Variants in ZC3H12B observed in about 807,000 individuals in gnomAD.
The protein encoded by ZC3H12B is probable ribonuclease ZC3H12B.
ZC3H12B carries 7 observed loss-of-function variants against 43.9 expected under a neutral mutation model. The ratio of observed to expected loss-of-function variants is 0.16; its 90% CI spans 0.09 to 0.30. The LOEUF is 0.30. Ranked by LOEUF, ZC3H12B falls within the 10% of genes least tolerant of loss-of-function variation. ZC3H12B has a pLI of 1.00. For missense variants in ZC3H12B, 475 were observed against 670.2 expected (o/e 0.71, Z 3.22); for synonymous variants, 222 against 241.7 (o/e 0.92, Z 0.76).
At chrX:65,171,777 A>C in the ZC3H12B span, among the ~76,000 whole-genome samples, 1 of 110,915 alleles carries the variant, frequency 9.0e-6, no homozygotes, top group East Asian at 2.8e-4. Context: ...TCCACCTTTC[A>C]GTTCGATCTC....
At chrX:65,159,475 C>G in the ZC3H12B span, among the ~76,000 whole-genome samples, 2 of 111,414 alleles carry the variant, frequency 1.8e-5, no homozygotes, top group Non-Finnish European at 3.8e-5. Flanking sequence ...TTCAGGAGGT[C>G]CTTCACATCC....
Position 65,450,715 on chromosome X carries a change from GTATACATATGTGTATATATGTATATA to G in ZC3H12B, n.408-37926_408-37901del, listed in dbSNP as rs1569413140. 1.4e-3 allele frequency among the ~76,000 whole-genome samples: 14 copies of G among 9,759 alleles called. 2 individuals are homozygous for G. In the East Asian group the frequency reaches 0.052, roughly 36 times the overall value. The allele number at this position is 9,759 out of a possible 115,157, so 8.5% of individuals were successfully genotyped here. A position where few individuals can be genotyped will look rare whatever the true frequency, so the allele number is the denominator to read the frequency against. ...TATACATATGTGTATATATGTATAT[GTATACATATGTGTATATATGTATATA>G]TATATACATATGTGTATATATGTAT... On this transcript the variant is annotated intron_variant and non_coding_transcript_variant, in intron 3 of 5. Transcript: ENST00000617377.
the ZC3H12B span, among the ~76,000 whole-genome samples, chrX:65,163,784 G>C: frequency 1.8e-5 from 2 of 111,201 alleles, no homozygotes; most frequent in Admixed American, 1.9e-4. Flanking sequence ...TCACTCTCCT[G>C]CACCCACTGT....
chrX:65,243,201 A>T, the ZC3H12B span, among the ~76,000 whole-genome samples: 1 of 112,264 alleles, frequency 8.9e-6, no homozygotes, highest in Non-Finnish European at 1.9e-5. Context: ...ACAGAATTGG[A>T]GAAAATATAT....
the ZC3H12B span, among the ~76,000 whole-genome samples, chrX:65,336,092 A>T: frequency 8.0e-5 from 9 of 112,044 alleles, no homozygotes; most frequent in Non-Finnish European, 1.7e-4. Flanking sequence ...CAGAAAGAAA[A>T]ATTCATACCA....
chrX:65,456,620 T>C (rs1391185836), intron 3 of ZC3H12B, among the ~76,000 whole-genome samples: 2 of 107,182 alleles, frequency 1.9e-5, no homozygotes, highest in Admixed American at 2.0e-4. Context: ...CGTTTTTTTT[T>C]TTTGGTGGAG....
the ZC3H12B span, among the ~76,000 whole-genome samples, chrX:65,079,025 T>A: frequency 2.1e-4 from 23 of 112,032 alleles, no homozygotes; most frequent in Admixed American, 2.2e-3. Flanking sequence ...AAACCCCTAC[T>A]ACCCTTCTCA....
chrX:65,422,274 C>T (rs564829736), intron 3 of ZC3H12B, among the ~76,000 whole-genome samples: 2 of 111,802 alleles, frequency 1.8e-5, no homozygotes, highest in African/African-American at 6.5e-5. Context: ...AAATTTTTGC[C>T]TCCTGTACCT....
At chrX:65,158,010 A>G in the ZC3H12B span, among the ~76,000 whole-genome samples, 1 of 100,174 alleles carries the variant, frequency 1.0e-5, no homozygotes, top group Non-Finnish European at 2.0e-5. Flanking sequence ...CCTATGAGTG[A>G]GAACATGCTG....
At chrX:65,434,341 G>A (rs962394089) in intron 3 of ZC3H12B, among the ~76,000 whole-genome samples, 1 of 112,169 alleles carries the variant, frequency 8.9e-6, no homozygotes, top group South Asian at 3.7e-4. Flanking sequence ...ATCCACTGTA[G>A]CATTCCAATC....
chrX:65,202,055 T>TTATATGTAATATATATATTACATATAA, the ZC3H12B span, among the ~76,000 whole-genome samples: 13 of 84,862 alleles, frequency 1.5e-4, no homozygotes, highest in East Asian at 3.4e-4. Context: ...ATAATATATA[T>TTATATGTAATATATATATTACATATAA]TATATGTAAT....
chrX:65,064,041 CTTTCT>C, the ZC3H12B span, among the ~76,000 whole-genome samples: 10 of 111,717 alleles, frequency 9.0e-5, no homozygotes, highest in Admixed American at 9.5e-4. Context: ...TTTGATTCTT[CTTTCT>C]TTTCTTCTTT....
chrX:65,177,870 T>C, the ZC3H12B span, among the ~76,000 whole-genome samples: 1 of 112,220 alleles, frequency 8.9e-6, no homozygotes, highest in Admixed American at 9.5e-5. Flanking sequence ...TATAGATTCA[T>C]TGCTGTCCCC....
At chrX:65,231,858 A>C in the ZC3H12B span, among the ~76,000 whole-genome samples, 1 of 111,712 alleles carries the variant, frequency 9.0e-6, no homozygotes, top group Non-Finnish European at 1.9e-5. Flanking sequence ...TTTACAAAAA[A>C]TTTGTACAGT....
chrX:65,367,944 C>T (rs73516241), intron 1 of ZC3H12B, among the ~76,000 whole-genome samples: 9,136 of 110,720 alleles, frequency 0.083, 1,025 homozygotes, highest in African/African-American at 0.29. Flanking sequence ...TGGAAAAATT[C>T]CCAAAGCTGG....
chrX:65,299,906 A>T, the ZC3H12B span, among the ~76,000 whole-genome samples: 1 of 112,296 alleles, frequency 8.9e-6, no homozygotes, highest in African/African-American at 3.2e-5. Flanking sequence ...GTTCCAGATT[A>T]TGGGAGAAGG....
At chrX:65,201,304 C>A in the ZC3H12B span, among the ~76,000 whole-genome samples, 1 of 111,322 alleles carries the variant, frequency 9.0e-6, no homozygotes. Flanking sequence ...GGAATTTATC[C>A]ATTTCTTCTA....
chrX:65,199,459 G>A, the ZC3H12B span, among the ~76,000 whole-genome samples: 2 of 110,172 alleles, frequency 1.8e-5, no homozygotes, highest in Admixed American at 9.8e-5. Context: ...TTTATATTAA[G>A]TTCAGGGGTA....
chrX:65,149,217 C>T, the ZC3H12B span, among the ~76,000 whole-genome samples: 1 of 111,290 alleles, frequency 9.0e-6, no homozygotes, highest in African/African-American at 3.3e-5. Flanking sequence ...CTGTGCTTTA[C>T]CAAGCCCACA....
Sources: allele counts gnomAD v4.1 joint callset (sites outside exome capture counted in the v4.1 genomes callset), GRCh38; gene constraint gnomAD v4.1.1; transcripts MANE v1.5; gene names NCBI Gene and HGNC (gene_info 2026-07-23, HGNC 2026-07-21).